The following POLH variants were observed in gnomAD, a reference collection of about 807,000 sequenced individuals.
POLH encodes DNA polymerase eta transcript.
POLH carries 53 observed loss-of-function variants against 73.6 expected under a neutral mutation model. That is an observed-to-expected ratio of 0.72 (90% CI 0.58 to 0.91). The LOEUF (loss-of-function observed/expected upper bound fraction) is 0.91, where lower values mean the gene tolerates loss of function less well. Ranked by LOEUF, POLH falls within the 40% of genes least tolerant of loss-of-function variation. The probability of loss-of-function intolerance (pLI) is 0.00; values close to 1 mark genes in which losing one functional copy is unlikely to be tolerated. For missense variants in POLH, 768 were observed against 865.4 expected (o/e 0.89, Z 1.41); for synonymous variants, 292 against 308.5 (o/e 0.95, Z 0.56).
intron 4 of POLH, among the ~76,000 whole-genome samples, chr6:43,593,741 G>A (rs1160037663): frequency 1.3e-5 from 2 of 152,080 alleles, no homozygotes; most frequent in Non-Finnish European, 2.9e-5. Context: ...TTAGCTGGGT[G>A]TGGTGGCGCA....
At position 43,606,366 on chromosome 6, in the gene POLH, A is replaced by G. The variant is rs547855932; in HGVS notation, c.1074+1047A>G. Among the ~76,000 whole-genome samples the G allele has an allele frequency of 4.0e-5, 6 of 150,758 alleles. 1 individual carries two copies. The highest frequency in any genetic ancestry group is 1.5e-4 in the African/African-American group (6 of 40,820). ...TCTCTATCTCTGTATATTTGACTTA[A>G]AAAAAAAATTCTGAGCATTGTACAT... On this transcript the variant is annotated intron_variant, in intron 9 of 10. Transcript: ENST00000372236.
At chr6:43,600,289 A>G (rs1766588487) in intron 5 of POLH, among the ~76,000 whole-genome samples, 1 of 152,140 alleles carries the variant, frequency 6.6e-6, no homozygotes, top group Admixed American at 6.6e-5. Flanking sequence ...ATGGTGGCGC[A>G]CACCTGTAGT....
chr6:43,576,479 G>C (rs1362607668), intron 1 of POLH, 39 bp downstream of exon 1: 1 of 152,254 alleles, frequency 6.6e-6, no homozygotes, highest in East Asian at 1.9e-4. Flanking sequence ...ACTGTGTTCA[G>C]ACTTTCTATG....
chr6:43,587,386 A>T lies in POLH; in HGVS notation c.387A>T (p.Leu129=). The T allele has an allele frequency of 1.9e-6, 3 of 1,614,192 alleles. No individual in the cohort carries two copies. The highest frequency in any genetic ancestry group is 2.5e-6 in the Non-Finnish European group (3 of 1,179,982). ...VDLTSAVQER[L]QKLQGQPISA... is the part of the protein sequence containing the mutation. ...TGACCAGTGCTGTACAAGAGAGACT[A>T]CAAAAGCTACAAGGTCAGCCTATCT... The change falls in exon 4 of 11, where the codon CTA becomes CTT. Residue 129 remains leucine (L), a synonymous_variant. Transcript: ENST00000372236.
At chr6:43,585,316 G>A (rs538485282) in intron 3 of POLH, among the ~76,000 whole-genome samples, 9 of 152,226 alleles carry the variant, frequency 5.9e-5, no homozygotes, top group African/African-American at 2.2e-4. Flanking sequence ...GGGAGGCTCC[G>A]TTATGTACTC....
rs1344423618 is a variant in POLH at position 43,616,330 on chromosome 6, A to G, written c.*1773A>G. Reference sequence around the variant, plus strand: ...CTCTTTAGGCTGGGTGCGGTTCCTCATGCCTATAATCCCAGCATTTAGGGA... The same window carrying G: ...CTCTTTAGGCTGGGTGCGGTTCCTCGTGCCTATAATCCCAGCATTTAGGGA... On this transcript the variant is annotated 3_prime_UTR_variant, in exon 11 of 11. Transcript: ENST00000372236. Among the ~76,000 whole-genome samples, 1 of 151,342 alleles carries G rather than the reference A, an allele frequency of 6.6e-6. No individual in the cohort carries two copies. The highest frequency in any genetic ancestry group is 6.6e-5 in the Admixed American group (1 of 15,176).
At chr6:43,589,327 G>C (rs555623938) in intron 4 of POLH, among the ~76,000 whole-genome samples, 13 of 152,254 alleles carry the variant, frequency 8.5e-5, no homozygotes, top group African/African-American at 3.1e-4. Context: ...TGCTCTAACA[G>C]TTTACATTCC....
At chr6:43,599,053 A>G (rs1190587325) in intron 5 of POLH, among the ~76,000 whole-genome samples, 7 of 147,870 alleles carry the variant, frequency 4.7e-5, no homozygotes, top group African/African-American at 7.6e-5. Flanking sequence ...CAGTGGCCCA[A>G]TCTCAGCTCA....
At chr6:43,612,721 AT>A in intron 10 of POLH, among the ~76,000 whole-genome samples, 1 of 151,652 alleles carries the variant, frequency 6.6e-6, no homozygotes, top group South Asian at 2.1e-4. Context: ...ATAAAAGCAT[AT>A]TTCATCTTCT....
rs1768196449 is a variant in POLH, at chr6:43,614,505, G to T, written c.2090G>T (p.Arg697Met). 1 of 1,614,058 alleles carries T rather than the reference G, an allele frequency of 6.2e-7. No individual in the cohort carries two copies. The highest frequency in any genetic ancestry group is 8.5e-7 in the Non-Finnish European group (1 of 1,180,038). ...SPLACTNKRP[R>M]PEGMQTLESF... ...TTGGCCTGCACTAATAAACGCCCCA[G>T]GCCTGAGGGCATGCAAACATTGGAA... is the stretch of plus-strand genomic sequence containing the variant. Residue 697 changes from arginine (R) to methionine (M), a missense_variant, in exon 11 of 11, where the codon AGG becomes ATG. By Grantham distance (91) the Arg-to-Met change is moderately conservative (BLOSUM62 -1). Transcript: ENST00000372236.
intron 9 of POLH, among the ~76,000 whole-genome samples, chr6:43,605,736 A>G (rs918416300): frequency 6.6e-6 from 1 of 151,048 alleles, no homozygotes; most frequent in African/African-American, 2.4e-5. Flanking sequence ...TTTTTTTGAG[A>G]CATAGAGTTT....
rs550235192 is a variant in POLH at position 43,601,169 on chromosome 6, T to C, written c.764+78T>C. On this transcript the variant is annotated intron_variant, in intron 6 of 10. Transcript: ENST00000372236. Reference sequence around the variant, plus strand: ...CTCTGGTTGTAGTTTCTTGTGTTACTAATTAAGGACTGGAGCCAGGGGAAA... The same window carrying C: ...CTCTGGTTGTAGTTTCTTGTGTTACCAATTAAGGACTGGAGCCAGGGGAAA... 4.0e-5 allele frequency: 41 copies of C among 1,034,932 alleles called. No homozygotes were observed. The African/African-American group carries it at 6.2e-4, about 16-fold the overall frequency. The allele number at this position is 1,034,932 out of a possible 1,614,324, so 64.1% of individuals were successfully genotyped here. A position where few individuals can be genotyped will look rare whatever the true frequency, so the allele number is the denominator to read the frequency against.
intron 10 of POLH, among the ~76,000 whole-genome samples, chr6:43,611,073 T>TCTGA (rs1158140125): frequency 6.6e-6 from 1 of 152,222 alleles, no homozygotes; most frequent in Non-Finnish European, 1.5e-5. Context: ...GTAGTAGGAA[T>TCTGA]CTGAGCTCTT....
chr6:43,594,406 G>C (rs1478692673), intron 4 of POLH, among the ~76,000 whole-genome samples: 1 of 152,178 alleles, frequency 6.6e-6, no homozygotes, highest in Non-Finnish European at 1.5e-5. Flanking sequence ...GCAAGCCACT[G>C]TGCTGAGGAA....
rs146552671 is a variant in POLH, at chr6:43,619,716, G to T, written c.*5159G>T. On this transcript the variant is annotated 3_prime_UTR_variant, in exon 11 of 11. Coordinates refer to ENST00000372236, the MANE Select transcript of POLH (RefSeq NM_006502.3). ...TCTTTACAATACAGGCAAAAGATAA[G>T]TAAATTGTGGACAAAGCTTTCATCT... Among the ~76,000 whole-genome samples the T allele has an allele frequency of 6.6e-6, 1 of 152,204 alleles. No individual in the cohort carries two copies. Among genetic ancestry groups the T allele is most frequent in the African/African-American group, 2.4e-5 (1 of 41,454 alleles).
At chr6:43,597,401 C>T (rs537868082) in intron 4 of POLH, among the ~76,000 whole-genome samples, 1 of 152,228 alleles carries the variant, frequency 6.6e-6, no homozygotes, top group Non-Finnish European at 1.5e-5. Context: ...AGGCGTGAGC[C>T]ACCGTGCCTG....
chr6:43,579,024 G>A (rs191466764), intron 1 of POLH, among the ~76,000 whole-genome samples: 122 of 152,264 alleles, frequency 8.0e-4, no homozygotes, highest in African/African-American at 2.8e-3. Context: ...TTATCCTTAT[G>A]CCAGCAGTAC....
At chr6:43,605,960 G>GA (rs1767239293) in intron 9 of POLH, among the ~76,000 whole-genome samples, 1 of 151,976 alleles carries the variant, frequency 6.6e-6, no homozygotes, top group Admixed American at 6.6e-5. Context: ...CTCACCTCAG[G>GA]TGATCCGCCC....
At chr6:43,593,748 C>T (rs1452155152) in intron 4 of POLH, among the ~76,000 whole-genome samples, 5 of 151,912 alleles carry the variant, frequency 3.3e-5, no homozygotes, top group Admixed American at 2.6e-4. Flanking sequence ...GGTGTGGTGG[C>T]GCATGCCTAT....
Sources: gnomAD v4.1 joint callset for allele counts (sites outside exome capture counted in the v4.1 genomes callset) on GRCh38, gnomAD v4.1.1 for gene constraint, MANE v1.5 for transcripts, NCBI Gene and HGNC (gene_info 2026-07-23, HGNC 2026-07-21) for gene names.